Variants in COL6A2 observed in about 807,000 individuals in gnomAD.
COL6A2 encodes collagen type VI alpha 2 chain.
A neutral mutation model predicts 124.9 loss-of-function variants in COL6A2; 90 were observed. The observed-to-expected ratio is 0.72, with a 90% CI of 0.61 to 0.86. COL6A2 has a LOEUF of 0.86. COL6A2 is among the 40% of genes least tolerant of loss of function. COL6A2 has a pLI of 0.00. For synonymous variants in COL6A2, 793 were observed against 618.2 expected (o/e 1.28, Z -4.19); for missense variants, 1,607 against 1,502.5 (o/e 1.07, Z -1.15).
rs2078766969 is a variant in COL6A2, at chr21:46,132,033, G to A, written c.2541G>A (p.Gln847=). ...ACGGCTCCGAGCGGCTGGGTGAGCA[G>A]AACTTCCACAAGGCCCGGCGCTTCG... ...LLDGSERLGE[Q]NFHKARRFVE... is the part of the protein sequence containing the mutation. Residue 847 remains glutamine, a synonymous_variant, in exon 28 of 28, where the codon CAG becomes CAA. Transcript: ENST00000300527. The A allele has an allele frequency of 2.5e-6, 4 of 1,608,724 alleles. No homozygotes were observed. Among genetic ancestry groups the A allele is most frequent in the Non-Finnish European group, 2.5e-6 (3 of 1,179,292 alleles).
chr21:46,128,993 CCAGCTTCCTGTCCCTGT>C, intron 27 of COL6A2: 1 of 1,605,544 alleles, frequency 6.2e-7, no homozygotes, highest in Non-Finnish European at 8.5e-7. Context: ...TAGCTCCCTG[CCAGCTTCCTGTCCCTGT>C]GCTCACTGCC....
chr21:46,123,628 AGTGG>A (rs147779682), intron 21 of COL6A2, among the ~76,000 whole-genome samples: 3 of 151,124 alleles, frequency 2.0e-5, no homozygotes, highest in African/African-American at 2.4e-5. Flanking sequence ...TTGCTGGATG[AGTGG>A]GTGGGTGGAT....
At position 46,116,707 on chromosome 21, in the gene COL6A2, C is replaced by A. The variant is rs752267316; in HGVS notation, c.954+30C>A. 1.2e-6 allele frequency: 2 copies of A among 1,612,916 alleles called. No homozygotes were observed. The highest frequency in any genetic ancestry group is 2.7e-5 in the African/African-American group (2 of 74,918). ...GCTGGCTGGGTAGGCAGAGCCCCTCCTTCCTGCTGCTCAGGGCAGAAGGAC... is the reference window on the plus strand; with the variant it reads ...GCTGGCTGGGTAGGCAGAGCCCCTCATTCCTGCTGCTCAGGGCAGAAGGAC... On this transcript the variant is annotated intron_variant, in intron 9 of 27. Transcript: ENST00000300527. The surrounding 1 kb of genome is among the most constrained non-coding windows in gnomAD (Gnocchi z 4.6).
rs149845431 is a variant in COL6A2, at chr21:46,132,453, G to A, written c.2961G>A (p.Thr987=). Residue 987 remains threonine, a synonymous_variant, in exon 28 of 28, where the codon ACG becomes ACA. Coordinates refer to ENST00000300527, the MANE Select transcript of COL6A2 (RefSeq NM_001849.4). ...GSDVDMDVLT[T]LSLGDRAAVF... ...ACGTGGACATGGACGTGCTCACCACGCTCAGCCTGGGTGACCGCGCCGCCG... is the reference window on the plus strand; with the variant it reads ...ACGTGGACATGGACGTGCTCACCACACTCAGCCTGGGTGACCGCGCCGCCG... 61 of 1,605,974 alleles carry A rather than the reference G, an allele frequency of 3.8e-5. No individual in the cohort carries two copies. In the African/African-American group the frequency reaches 5.6e-4, roughly 15 times the overall value.
At chr21:46,120,125 CCCCACTGAGGCACCTCTTACCCCCAG>C (rs993270878) in intron 15 of COL6A2, among the ~76,000 whole-genome samples, 11 of 81,368 alleles carry the variant, frequency 1.4e-4, no homozygotes, top group Non-Finnish European at 2.7e-4. Context: ...ACCCCCCGGC[CCCCACTGAGGCACCTCTTACCCCCAG>C]CCCACTGAGG....
chr21:46,109,229 G>A (rs73159690), intron 1 of COL6A2, among the ~76,000 whole-genome samples: 8,579 of 152,178 alleles, frequency 0.056, 327 homozygotes, highest in Middle Eastern at 0.11. Flanking sequence ...GCAGCTGGTC[G>A]TCCTGACATC....
At chr21:46,113,803 A>G (rs373077392) in intron 4 of COL6A2, 4 of 641,716 alleles carry the variant, frequency 6.2e-6, no homozygotes, top group African/African-American at 5.4e-5. Flanking sequence ...CCGAGAGCCA[A>G]ACTCTTTGGC....
At chr21:46,121,741 T>C (rs1453568504) in intron 18 of COL6A2, 123 bp downstream of exon 18, 1 of 948,430 alleles carries the variant, frequency 1.1e-6, no homozygotes, top group Non-Finnish European at 1.7e-6. Context: ...GGCCTGTGCC[T>C]CCTGTTCTCA....
Position 46,119,011 on chromosome 21 carries a change from C to G in COL6A2, c.1180-19C>G, listed in dbSNP as rs766078377. The stretch of plus-strand genomic sequence containing the variant: ...GGGCCCCTGCCTCTGGGTGACTGTG[C>G]TGTCCTCTCCTTCTTCAGGGGTATC... On this transcript the variant is annotated intron_variant, in intron 13 of 27. Coordinates refer to ENST00000300527, the MANE Select transcript of COL6A2 (RefSeq NM_001849.4). 3 of 1,575,840 alleles carry G rather than the reference C, an allele frequency of 1.9e-6. No homozygotes were observed. The African/African-American group carries it at 4.0e-5, about 21-fold the overall frequency.
intron 14 of COL6A2, 47 bp from the exon 15 acceptor site, chr21:46,119,741 G>A: frequency 2.6e-6 from 4 of 1,528,254 alleles, no homozygotes; most frequent in Non-Finnish European, 3.5e-6. Context: ...ACAGGCTCTG[G>A]GCTTGGACTC....
intron 27 of COL6A2, 75 bp from the exon 28 acceptor site, chr21:46,131,858 GCAGGGTGCGAATGGAAGGGCA>G: frequency 8.5e-7 from 1 of 1,174,242 alleles, no homozygotes; most frequent in Non-Finnish European, 1.2e-6. Context: ...GAGGTTGCAG[GCAGGGTGCGAATGGAAGGGCA>G]CAGGTGCGGG....
chr21:46,098,755 C>T (rs1016998502), intron 1 of COL6A2: 1 of 151,790 alleles, frequency 6.6e-6, no homozygotes, highest in African/African-American at 2.4e-5. Flanking sequence ...CGGCCTGGAG[C>T]CCACCAGGGC....
chr21:46,099,601 G>C (rs923234119), intron 1 of COL6A2, among the ~76,000 whole-genome samples: 7 of 151,938 alleles, frequency 4.6e-5, no homozygotes, highest in African/African-American at 1.7e-4. Context: ...GGGCTCACCC[G>C]CCACAAGCAG....
chr21:46,118,097 G>A (rs1479736872), intron 12 of COL6A2, among the ~76,000 whole-genome samples, 161 bp downstream of exon 12: 5 of 152,114 alleles, frequency 3.3e-5, no homozygotes, highest in African/African-American at 7.2e-5. Context: ...TGCCCTGCCC[G>A]TTGCTTCATC....
chr21:46,127,666 G>T (rs935690906), intron 27 of COL6A2, among the ~76,000 whole-genome samples: 7 of 152,162 alleles, frequency 4.6e-5, no homozygotes, highest in Non-Finnish European at 8.8e-5. Flanking sequence ...GGGCAGGGAA[G>T]TCTCGGGACC....
At chr21:46,129,828 G>C (rs2078737421) in intron 27 of COL6A2, 9 of 1,109,008 alleles carry the variant, frequency 8.1e-6, no homozygotes, top group Middle Eastern at 4.0e-4. Flanking sequence ...CTTCTTTGCT[G>C]CATCAGGTCA....
chr21:46,125,017 G>A, intron 23 of COL6A2, 97 bp downstream of exon 23: 1 of 1,470,592 alleles, frequency 6.8e-7, no homozygotes, highest in Non-Finnish European at 9.5e-7. Context: ...CACGGTCAGA[G>A]AGCAAGATCA....
At position 46,122,086 on chromosome 21, in the gene COL6A2, C is replaced by T; in HGVS notation, c.1522-22C>T. ...CCACCCCGTCCTATGACCATGCTGA[C>T]CGACTCAACGTCCTCCTCCAGGGAG... On this transcript the variant is annotated intron_variant, in intron 18 of 27. Transcript: ENST00000300527. 3.7e-6 allele frequency: 6 copies of T among 1,612,414 alleles called. No individual in the cohort carries two copies. The South Asian group carries it at 5.5e-5, about 15-fold the overall frequency.
intron 20 of COL6A2, 135 bp downstream of exon 20, chr21:46,122,666 C>T (rs2078585408): frequency 2.7e-6 from 3 of 1,092,952 alleles, no homozygotes; most frequent in African/African-American, 1.6e-5. Flanking sequence ...AAGGCCCAGC[C>T]ATGTCACCTA....
Sources: allele counts gnomAD v4.1 joint callset (sites outside exome capture counted in the v4.1 genomes callset), GRCh38; gene constraint gnomAD v4.1.1; non-coding constraint Gnocchi (gnomAD v3.1); transcripts MANE v1.5; gene names NCBI Gene and HGNC (gene_info 2026-07-23, HGNC 2026-07-21).